FRMD4A: variants seen among roughly 807,000 people sequenced by gnomAD.
FRMD4A encodes FERM domain containing 4A.
Under a neutral mutation model 129.1 loss-of-function variants are expected in FRMD4A, and 29 were observed. That is an observed-to-expected ratio of 0.22 (90% CI 0.17 to 0.31). The LOEUF (loss-of-function observed/expected upper bound fraction) is 0.31, where lower values mean the gene tolerates loss of function less well. Ranked by LOEUF, FRMD4A falls within the 10% of genes least tolerant of loss-of-function variation. The pLI, the probability that FRMD4A is intolerant of heterozygous loss-of-function variation, is 1.00. For missense variants in FRMD4A, 1,272 were observed against 1,375.8 expected (o/e 0.92, Z 1.19); for synonymous variants, 634 against 571.6 (o/e 1.11, Z -1.56).
chr10:14,024,460 C>T lies in FRMD4A; in HGVS notation c.46-165548G>A, dbSNP rs1404189427. Among the ~76,000 whole-genome samples the T allele has an allele frequency of 3.3e-5, 5 of 152,184 alleles. No homozygotes were observed. In the East Asian group the frequency reaches 9.6e-4, roughly 29 times the overall value. On this transcript the variant is annotated intron_variant, in intron 2 of 24. Transcript: ENST00000357447. Reference sequence around the variant, plus strand: ...TTGCTCTCAGTCCCCGCTGACAGATCAGATCTGCAAACTCCCCAGCTCAGG... The same window carrying T: ...TTGCTCTCAGTCCCCGCTGACAGATTAGATCTGCAAACTCCCCAGCTCAGG...
At chr10:13,747,185 A>G (rs1395413037) in intron 9 of FRMD4A, among the ~76,000 whole-genome samples, 1 of 151,260 alleles carries the variant, frequency 6.6e-6, no homozygotes, top group Non-Finnish European at 1.5e-5. Context: ...TAAAAAAAAA[A>G]AGAAGAAGAA....
At chr10:14,078,765 G>A (rs774117823) in intron 2 of FRMD4A, among the ~76,000 whole-genome samples, 10 of 152,168 alleles carry the variant, frequency 6.6e-5, no homozygotes, top group Non-Finnish European at 1.2e-4. Flanking sequence ...CAGGTCTCCT[G>A]GCTCCAAGCC....
intron 2 of FRMD4A, among the ~76,000 whole-genome samples, chr10:14,089,029 G>A (rs1433235242): frequency 1.3e-5 from 2 of 152,130 alleles, no homozygotes; most frequent in Admixed American, 1.3e-4. Flanking sequence ...GAAGATAAGC[G>A]CAGGGGTGGG....
intron 2 of FRMD4A, among the ~76,000 whole-genome samples, chr10:14,166,284 T>G (rs1296153978): frequency 2.6e-5 from 4 of 151,548 alleles, no homozygotes; most frequent in Non-Finnish European, 5.9e-5. Context: ...TATTATTATA[T>G]TGTACTAATA....
At chr10:13,985,587 C>G (rs941461384) in intron 2 of FRMD4A, among the ~76,000 whole-genome samples, 2 of 152,152 alleles carry the variant, frequency 1.3e-5, no homozygotes, top group African/African-American at 4.8e-5. Flanking sequence ...GAAGAAGGGC[C>G]CTGAGCTGGG....
At chr10:13,873,459 T>C (rs954795423) in intron 2 of FRMD4A, among the ~76,000 whole-genome samples, 5 of 152,212 alleles carry the variant, frequency 3.3e-5, no homozygotes, top group African/African-American at 1.2e-4. Context: ...GAACAAAGTG[T>C]GTATGAGGAA....
At chr10:14,149,743 G>A (rs529519724) in intron 2 of FRMD4A, among the ~76,000 whole-genome samples, 7 of 152,310 alleles carry the variant, frequency 4.6e-5, no homozygotes, top group Non-Finnish European at 1.5e-5. Flanking sequence ...CAGGAAAGGT[G>A]GGAGATGGGC....
chr10:14,127,826 A>G (rs1194952056), intron 2 of FRMD4A, among the ~76,000 whole-genome samples: 1 of 152,092 alleles, frequency 6.6e-6, no homozygotes, highest in Non-Finnish European at 1.5e-5. Flanking sequence ...ATCAGTTCAA[A>G]TTCCATCACT....
chr10:13,918,870 G>A (rs34384695), intron 2 of FRMD4A, among the ~76,000 whole-genome samples: 12,843 of 135,810 alleles, frequency 0.095, 643 homozygotes, highest in East Asian at 0.26. Context: ...TTTTTTGTAA[G>A]AAAAAAAAAA....
chr10:13,669,464 T>C (rs2083337225), intron 17 of FRMD4A, among the ~76,000 whole-genome samples: 1 of 152,206 alleles, frequency 6.6e-6, no homozygotes, highest in South Asian at 2.1e-4. Flanking sequence ...CTAACACAGA[T>C]GGGCCACAAG....
intron 6 of FRMD4A, among the ~76,000 whole-genome samples, chr10:13,768,387 T>G (rs2092354519): frequency 6.6e-6 from 1 of 152,118 alleles, no homozygotes; most frequent in African/African-American, 2.4e-5. Context: ...GTCTTTACAT[T>G]TAACCAAGAA....
At chr10:14,175,740 G>T (rs1049291608) in intron 2 of FRMD4A, among the ~76,000 whole-genome samples, 1 of 151,998 alleles carries the variant, frequency 6.6e-6, no homozygotes, top group African/African-American at 2.4e-5. Context: ...TCCCAGGCTG[G>T]TCTCAAACTC....
intron 2 of FRMD4A, among the ~76,000 whole-genome samples, chr10:14,030,128 AG>A (rs1833168499): frequency 6.6e-6 from 1 of 152,212 alleles, no homozygotes; most frequent in Non-Finnish European, 1.5e-5. Flanking sequence ...ATGTTGGTCA[AG>A]GGGTACAAAG....
At chr10:13,666,394 C>A in intron 17 of FRMD4A, 69 bp from the exon 18 acceptor site, 1 of 1,103,936 alleles carries the variant, frequency 9.1e-7, no homozygotes, top group Non-Finnish European at 1.4e-6. Flanking sequence ...TCCTTCCCTC[C>A]CCTGTCCCAA....
In FRMD4A at chr10:14,330,108, C is replaced by G. The variant is rs374057397; in HGVS notation, c.-6G>C. On this transcript the variant is annotated 5_prime_UTR_variant, in exon 2 of 25. Transcript: ENST00000357447. ...GGCACCAGCTGCACTGCCATGGTCTCCGATTCCCATGCACGAATCCTGCTG... is the reference window on the plus strand; with the variant it reads ...GGCACCAGCTGCACTGCCATGGTCTGCGATTCCCATGCACGAATCCTGCTG... The G allele has an allele frequency of 6.5e-5, 101 of 1,552,238 alleles. No homozygotes were observed. The highest frequency in any genetic ancestry group is 8.2e-5 in the Non-Finnish European group (94 of 1,147,356).
intron 2 of FRMD4A, among the ~76,000 whole-genome samples, chr10:14,177,557 C>A (rs1841775760): frequency 6.6e-6 from 1 of 152,166 alleles, no homozygotes; most frequent in African/African-American, 2.4e-5. Flanking sequence ...GCCCCGCTGC[C>A]TCCTGGCCCT....
intron 2 of FRMD4A, among the ~76,000 whole-genome samples, chr10:14,227,448 C>T (rs191817252): frequency 4.0e-5 from 6 of 151,810 alleles, no homozygotes; most frequent in African/African-American, 9.7e-5. Context: ...GATGAGGTTT[C>T]GCCATGTTGG....
intron 12 of FRMD4A, among the ~76,000 whole-genome samples, chr10:13,723,876 C>G (rs2089671155): frequency 6.6e-6 from 1 of 152,184 alleles, no homozygotes; most frequent in South Asian, 2.1e-4. Flanking sequence ...GGATGGAGCT[C>G]AGATGGGAGA....
chr10:13,952,785 C>G (rs1197785522), intron 2 of FRMD4A, among the ~76,000 whole-genome samples: 1 of 152,150 alleles, frequency 6.6e-6, no homozygotes, highest in Non-Finnish European at 1.5e-5. Context: ...CCTCTGCCTT[C>G]CAGGTTCAAG....
Sources: allele counts gnomAD v4.1 joint callset (sites outside exome capture counted in the v4.1 genomes callset), GRCh38; gene constraint gnomAD v4.1.1; transcripts MANE v1.5; gene names NCBI Gene and HGNC (gene_info 2026-07-23, HGNC 2026-07-21).